ATP8A2: variants seen among roughly 807,000 people sequenced by gnomAD.
The protein encoded by ATP8A2 is ATPase phospholipid transporting 8A2, also known as phospholipid-transporting ATPase IB.
ATP8A2 carries 100 observed loss-of-function variants against 165.6 expected under a neutral mutation model. The ratio of observed to expected loss-of-function variants is 0.60; its 90% confidence interval spans 0.51 to 0.71. The LOEUF (loss-of-function observed/expected upper bound fraction) is 0.71. Ranked by LOEUF, ATP8A2 falls within the 30% of genes least tolerant of loss-of-function variation. ATP8A2 has a pLI of 0.00. For missense variants in ATP8A2, 1,227 were observed against 1,479.5 expected (o/e 0.83, Z 2.80); for synonymous variants, 543 against 548.8 (o/e 0.99, Z 0.15).
chr13:25,941,259 C>A (rs1173566806), intron 33 of ATP8A2, among the ~76,000 whole-genome samples: 2 of 152,172 alleles, frequency 1.3e-5, no homozygotes, highest in Non-Finnish European at 2.9e-5. Flanking sequence ...CAGATCCTGT[C>A]TGCCCTTCAG....
At chr13:25,837,420 CCACCACACACACACA>C in intron 29 of ATP8A2, 135 bp downstream of exon 29, 1 of 625,306 alleles carries the variant, frequency 1.6e-6, no homozygotes, top group Non-Finnish European at 2.6e-6. Flanking sequence ...ACTCACCCCA[CCACCACACACACACA>C]CACACACACA....
At chr13:25,538,633 G>T (rs2038364662) in intron 7 of ATP8A2, among the ~76,000 whole-genome samples, 1 of 152,004 alleles carries the variant, frequency 6.6e-6, no homozygotes, top group Non-Finnish European at 1.5e-5. Flanking sequence ...ACTTTTTTGG[G>T]GCTTGGTGCA....
chr13:25,979,045 T>A (rs1436993409), intron 35 of ATP8A2, among the ~76,000 whole-genome samples: 2 of 152,162 alleles, frequency 1.3e-5, no homozygotes, highest in East Asian at 3.9e-4. Flanking sequence ...CCTGACGTGG[T>A]CTCTGTCACT....
At chr13:25,831,216 C>CTTTT (rs71759758) in intron 28 of ATP8A2, among the ~76,000 whole-genome samples, 4 of 133,486 alleles carry the variant, frequency 3.0e-5, no homozygotes, top group African/African-American at 5.6e-5. Context: ...AACTAATTTT[C>CTTTT]TTTTTTTTTT....
chr13:25,860,981 T>A, intron 32 of ATP8A2, 121 bp downstream of exon 32: 1 of 747,288 alleles, frequency 1.3e-6, no homozygotes, highest in African/African-American at 1.8e-5. Context: ...ATTTTCTGTG[T>A]AAAAATTGTG....
intron 2 of ATP8A2, among the ~76,000 whole-genome samples, chr13:25,505,796 A>G (rs555330841): frequency 6.6e-6 from 1 of 152,362 alleles, no homozygotes; most frequent in South Asian, 2.1e-4. Context: ...CTATGATAAT[A>G]TCAAATATCA....
chr13:25,421,189 C>T (rs1304891641), intron 1 of ATP8A2, among the ~76,000 whole-genome samples: 1 of 152,226 alleles, frequency 6.6e-6, no homozygotes, highest in African/African-American at 2.4e-5. Context: ...GTGGTCCTAG[C>T]ATTGCAGTGG....
intron 30 of ATP8A2, among the ~76,000 whole-genome samples, chr13:25,841,276 T>C (rs1366668820): frequency 2.0e-5 from 3 of 152,246 alleles, no homozygotes; most frequent in Non-Finnish European, 2.9e-5. Flanking sequence ...GAATTTTAAA[T>C]TAGTGCTATC....
At chr13:25,885,332 C>T (rs1351148478) in intron 33 of ATP8A2, among the ~76,000 whole-genome samples, 5 of 152,052 alleles carry the variant, frequency 3.3e-5, no homozygotes, top group South Asian at 4.2e-4. Context: ...AGGCTGGTCT[C>T]GAACTCCTGA....
intron 33 of ATP8A2, among the ~76,000 whole-genome samples, chr13:25,865,530 T>A (rs1952483126): frequency 6.6e-6 from 1 of 152,198 alleles, no homozygotes. Flanking sequence ...TTTGATTAAA[T>A]ATTTCTTTGT....
At chr13:25,968,068 T>G (rs7328249) in intron 34 of ATP8A2, among the ~76,000 whole-genome samples, 9,995 of 152,260 alleles carry the variant, frequency 0.066, 368 homozygotes, top group Middle Eastern at 0.14. Flanking sequence ...CCATGCACTC[T>G]AGCATCCTAA....
chr13:25,622,824 C>T (rs1212046516), intron 24 of ATP8A2, among the ~76,000 whole-genome samples: 1 of 152,122 alleles, frequency 6.6e-6, no homozygotes, highest in Non-Finnish European at 1.5e-5. Context: ...AAATCTGCAA[C>T]CCTCTGGTCC....
chr13:25,570,454 C>T (rs1046220233), intron 16 of ATP8A2, among the ~76,000 whole-genome samples: 1 of 152,076 alleles, frequency 6.6e-6, no homozygotes, highest in Non-Finnish European at 1.5e-5. Context: ...TGGGCAAGGC[C>T]GAGGCTCCTG....
rs534468851 is a variant in ATP8A2, at chr13:25,897,563, G to A, written c.3183+35155G>A. The stretch of plus-strand genomic sequence containing the variant: ...CTTTGTGGCGTTCTCTGTATTTCCT[G>A]AATTTGAATGTTGGCCTGCCTTGCT... On this transcript the variant is annotated intron_variant, in intron 33 of 36. Transcript: ENST00000381655. Among the ~76,000 whole-genome samples the A allele has an allele frequency of 4.6e-5, 7 of 152,268 alleles. No homozygotes were observed. In the East Asian group the frequency reaches 1.4e-3, roughly 29 times the overall value.
rs1957058161 is a variant in ATP8A2, at chr13:26,019,871, G to A, written c.3470-17G>A. 6.3e-7 allele frequency: 1 copy of A among 1,591,054 alleles called. No homozygotes were observed. Among genetic ancestry groups the A allele is most frequent in the Non-Finnish European group, 8.6e-7 (1 of 1,159,064 alleles). On this transcript the variant is annotated splice_polypyrimidine_tract_variant and intron_variant, in intron 36 of 36. Transcript: ENST00000381655. ...ATTCTCCTGTTAACCAGTTTCTCCTGTGTGCTTCACTTTCAGATGGGTATG... is the reference window on the plus strand; with the variant it reads ...ATTCTCCTGTTAACCAGTTTCTCCTATGTGCTTCACTTTCAGATGGGTATG...
chr13:25,624,137 T>C (rs892135976), intron 24 of ATP8A2, among the ~76,000 whole-genome samples: 3 of 152,184 alleles, frequency 2.0e-5, no homozygotes, highest in East Asian at 3.9e-4. Context: ...TATTTCTTAA[T>C]AGAAAACTGT....
At chr13:25,573,728 G>A (rs2039535466) in intron 18 of ATP8A2, among the ~76,000 whole-genome samples, 1 of 152,074 alleles carries the variant, frequency 6.6e-6, no homozygotes, top group South Asian at 2.1e-4. Context: ...AGTAGCACTG[G>A]GTGTCTTCTG....
At position 25,532,236 on chromosome 13, in the gene ATP8A2, T is replaced by C. The variant is rs774034351; in HGVS notation, c.421-36T>C. 8.5e-5 allele frequency: 132 copies of C among 1,560,750 alleles called. 1 individual carries two copies. The Middle Eastern group carries it at 3.2e-3, about 38-fold the overall frequency. ...TATTTCAATTATTCATGTGGAACTTTTGAATGTTAAACTATTTTTTTTCTT... is the reference window on the plus strand; with the variant it reads ...TATTTCAATTATTCATGTGGAACTTCTGAATGTTAAACTATTTTTTTTCTT... On this transcript the variant is annotated intron_variant, in intron 4 of 36. Transcript: ENST00000381655.
At chr13:25,817,574 A>G (rs1477155374) in intron 27 of ATP8A2, among the ~76,000 whole-genome samples, 1 of 152,210 alleles carries the variant, frequency 6.6e-6, no homozygotes, top group Non-Finnish European at 1.5e-5. Flanking sequence ...TGCCAGACTA[A>G]AGTAAAAAAT....
Sources: allele counts gnomAD v4.1 joint callset (sites outside exome capture counted in the v4.1 genomes callset), GRCh38; gene constraint gnomAD v4.1.1; transcripts MANE v1.5; gene names NCBI Gene and HGNC (gene_info 2026-07-23, HGNC 2026-07-21).